TMCO4: variants seen among roughly 807,000 people sequenced by gnomAD.
The protein encoded by TMCO4 is transmembrane and coiled-coil domains 4, also known as transmembrane and coiled-coil domain-containing protein 4.
Under a neutral mutation model 64.7 loss-of-function variants are expected in TMCO4, and 58 were observed. That is an observed-to-expected ratio of 0.90 (90% confidence interval 0.73 to 1.12). The LOEUF is 1.12. TMCO4 is among the 50% of genes most tolerant of loss of function. The probability of loss-of-function intolerance (pLI) is 0.00; values close to 1 mark genes in which losing one functional copy is unlikely to be tolerated. For synonymous variants in TMCO4, 325 were observed against 346.1 expected (o/e 0.94, Z 0.68); for missense variants, 780 against 825.9 (o/e 0.94, Z 0.68).
intron 13 of TMCO4, among the ~76,000 whole-genome samples, chr1:19,729,475 A>T (rs915856686): frequency 1.3e-5 from 2 of 151,080 alleles, no homozygotes; most frequent in Non-Finnish European, 3.0e-5. Context: ...TTTAGAAATA[A>T]CTAAAAAAGC....
chr1:19,687,771 G>A (rs1032606690), intron 15 of TMCO4, among the ~76,000 whole-genome samples: 5 of 152,182 alleles, frequency 3.3e-5, no homozygotes, highest in African/African-American at 1.2e-4. Flanking sequence ...AAGGAAGGGA[G>A]GTGTTGGTAC....
chr1:19,768,796 G>A (rs781324783), intron 6 of TMCO4, among the ~76,000 whole-genome samples: 2 of 151,942 alleles, frequency 1.3e-5, no homozygotes, highest in Non-Finnish European at 2.9e-5. Flanking sequence ...TGGATTCCAC[G>A]CAGATCCCAA....
intron 14 of TMCO4, among the ~76,000 whole-genome samples, chr1:19,695,852 C>T (rs2095232763): frequency 6.6e-6 from 1 of 152,174 alleles, no homozygotes; most frequent in South Asian, 2.1e-4. Context: ...TCCCTAACTC[C>T]TTCCCCACTG....
intron 13 of TMCO4, among the ~76,000 whole-genome samples, chr1:19,733,422 A>G (rs1570802624): frequency 6.6e-6 from 1 of 152,250 alleles, no homozygotes; most frequent in Non-Finnish European, 1.5e-5. Flanking sequence ...GACACACAGA[A>G]TCGATTCCTT....
At chr1:19,768,093 CAA>C (rs35417457) in intron 6 of TMCO4, among the ~76,000 whole-genome samples, 11 of 89,594 alleles carry the variant, frequency 1.2e-4, no homozygotes, top group Non-Finnish European at 7.2e-5. Flanking sequence ...AACTTCATCT[CAA>C]AAAAAAAAAA....
Position 19,682,520 on chromosome 1 carries a change from G to T in TMCO4, c.*520C>A. On this transcript the variant is annotated 3_prime_UTR_variant, in exon 16 of 16. Coordinates refer to ENST00000294543, the MANE Select transcript of TMCO4 (RefSeq NM_181719.7). ...GATTGGATCTCCTAAGAGCAGGAGT[G>T]AGCTGCCTTCTTTGTACCTGCGCCT... 1 of 695,608 alleles carries T rather than the reference G, an allele frequency of 1.4e-6. No individual in the cohort carries two copies. The highest frequency in any genetic ancestry group is 1.6e-5 in the South Asian group (1 of 64,314). 43.1% of individuals were successfully genotyped at this position (695,608 alleles called of 1,614,324 possible). A position where few individuals can be genotyped will look rare whatever the true frequency, so the allele number is the denominator to read the frequency against.
At chr1:19,707,303 T>C (rs1004808660) in intron 13 of TMCO4, among the ~76,000 whole-genome samples, 2 of 152,172 alleles carry the variant, frequency 1.3e-5, no homozygotes, top group Non-Finnish European at 2.9e-5. Flanking sequence ...GATCTCAGTT[T>C]ATTAGTTCAT....
intron 4 of TMCO4, among the ~76,000 whole-genome samples, chr1:19,778,191 T>C (rs2043297144): frequency 6.6e-6 from 1 of 152,198 alleles, no homozygotes; most frequent in Non-Finnish European, 1.5e-5. Flanking sequence ...ATTGAGTGCC[T>C]ACTATGTGCT....
chr1:19,787,502 T>C (rs1239067354), intron 2 of TMCO4, among the ~76,000 whole-genome samples: 3 of 152,190 alleles, frequency 2.0e-5, no homozygotes, highest in African/African-American at 4.8e-5. Flanking sequence ...TCAGAAAATG[T>C]CAGTTACATG....
chr1:19,726,638 G>C (rs1052021340), intron 13 of TMCO4, among the ~76,000 whole-genome samples: 1 of 152,198 alleles, frequency 6.6e-6, no homozygotes, highest in Non-Finnish European at 1.5e-5. Flanking sequence ...GGCATGTGAA[G>C]TGTTTAACTG....
chr1:19,685,858 C>T (rs2095144750), intron 15 of TMCO4, among the ~76,000 whole-genome samples: 1 of 152,018 alleles, frequency 6.6e-6, no homozygotes, highest in Non-Finnish European at 1.5e-5. Context: ...GGACTACAGG[C>T]ATCTGCCACG....
intron 13 of TMCO4, among the ~76,000 whole-genome samples, chr1:19,707,208 G>A (rs2095307160): frequency 6.6e-6 from 1 of 152,212 alleles, no homozygotes; most frequent in African/African-American, 2.4e-5. Flanking sequence ...GCTGAAATGT[G>A]ATGTGGGGCC....
At chr1:19,742,397 G>A (rs1471547236) in intron 10 of TMCO4, among the ~76,000 whole-genome samples, 1 of 152,104 alleles carries the variant, frequency 6.6e-6, no homozygotes, top group African/African-American at 2.4e-5. Context: ...CAGCTTCCCG[G>A]GGCAGCCTGC....
chr1:19,735,626 G>A (rs2095450706), intron 13 of TMCO4, among the ~76,000 whole-genome samples: 1 of 152,146 alleles, frequency 6.6e-6, no homozygotes. Flanking sequence ...GGACAGCTGA[G>A]AGTCGACCTC....
chr1:19,736,028 GC>G (rs1250868785), intron 13 of TMCO4, among the ~76,000 whole-genome samples: 3 of 152,292 alleles, frequency 2.0e-5, no homozygotes, highest in Non-Finnish European at 4.4e-5. Flanking sequence ...GGGTGTTCCA[GC>G]TCTGACTACA....
chr1:19,764,782 G>A (rs1025195870), intron 6 of TMCO4, among the ~76,000 whole-genome samples: 7 of 150,734 alleles, frequency 4.6e-5, no homozygotes, highest in Non-Finnish European at 5.9e-5. Context: ...TTGAACCCGG[G>A]AGGTGGAGGT....
chr1:19,776,757 GT>G (rs1318834562), intron 4 of TMCO4, among the ~76,000 whole-genome samples: 1 of 152,118 alleles, frequency 6.6e-6, no homozygotes, highest in Non-Finnish European at 1.5e-5. Flanking sequence ...GGCGGCCGCG[GT>G]GGCTCACGCC....
At chr1:19,689,788 C>T (rs1350855603) in intron 15 of TMCO4, among the ~76,000 whole-genome samples, 4 of 152,234 alleles carry the variant, frequency 2.6e-5, no homozygotes, top group African/African-American at 9.6e-5. Context: ...TCCCTTTCAC[C>T]CCATTCAGGG....
At chr1:19,688,539 G>A (rs1414069353) in intron 15 of TMCO4, among the ~76,000 whole-genome samples, 1 of 152,114 alleles carries the variant, frequency 6.6e-6, no homozygotes, top group Non-Finnish European at 1.5e-5. Flanking sequence ...TACCACGTGG[G>A]CTGGCTGTGT....
Sources: allele counts gnomAD v4.1 joint callset (sites outside exome capture counted in the v4.1 genomes callset), GRCh38; gene constraint gnomAD v4.1.1; transcripts MANE v1.5; gene names NCBI Gene and HGNC (gene_info 2026-07-23, HGNC 2026-07-21).